The following KCNH2 variants were observed in gnomAD, a reference collection of about 807,000 sequenced individuals.
KCNH2 encodes potassium voltage-gated channel subfamily H member 2.
In KCNH2, 35 loss-of-function variants were observed where a neutral mutation model predicts 95.9. The observed-to-expected ratio is 0.37, with a 90% CI of 0.28 to 0.48. The LOEUF is 0.48. KCNH2 is among the 20% of genes least tolerant of loss of function. KCNH2 has a pLI of 0.99. For missense variants in KCNH2, 1,274 were observed against 1,702.9 expected (o/e 0.75, Z 4.43); for synonymous variants, 786 against 754.7 (o/e 1.04, Z -0.68).
rs41307331 is a variant in KCNH2, at chr7:150,962,627, CAGAGAGAG to C, written c.308-2899_308-2892del. 4.1e-5 allele frequency among the ~76,000 whole-genome samples: 6 copies of C among 146,264 alleles called. No homozygotes were observed. The highest frequency in any genetic ancestry group is 2.0e-4 in the East Asian group (1 of 4,954). ...CACACTTACACACACACACGAGAGA[CAGAGAGAG>C]AGAGAGAGAGAGAGAGAGGAGTGAC... On this transcript the variant is annotated intron_variant, in intron 2 of 14. Coordinates refer to ENST00000262186, the MANE Select transcript of KCNH2 (RefSeq NM_000238.4). This position sits in a 1 kb window ranked among gnomAD's most constrained non-coding sequence, Gnocchi z 5.7.
At position 150,952,675 on chromosome 7, in the gene KCNH2, G is replaced by A. The variant is rs199472901; in HGVS notation, c.1307C>T (p.Thr436Met). ...PYSAAFLLKETEEGPPATECG... is the reference protein window; with the variant it reads ...PYSAAFLLKEMEEGPPATECG... The stretch of plus-strand genomic sequence containing the variant: ...CTCGGTAGCAGGCGGGCCTTCTTCC[G>A]TCTCCTTCAGCAGGAAGGCAGCCGA... Residue 436 changes from threonine (T) to methionine (M), a missense_variant, in exon 6 of 15, where the codon ACG becomes ATG. Thr to Met is a moderately conservative substitution (Grantham distance 81). Transcript: ENST00000262186. This position sits in a 1 kb window ranked among gnomAD's most constrained non-coding sequence, Gnocchi z 7.3. 2.5e-5 allele frequency: 41 copies of A among 1,614,072 alleles called. No homozygotes were observed. Among genetic ancestry groups the A allele is most frequent in the East Asian group, 4.5e-5 (2 of 44,890 alleles).
chr7:150,957,571 C>T (rs1178279464), intron 4 of KCNH2, 69 bp from the exon 5 acceptor site: 15 of 1,179,792 alleles, frequency 1.3e-5, no homozygotes, highest in Admixed American at 1.8e-5. Flanking sequence ...ACCCATAGAT[C>T]GAGAGTGGAG....
At position 150,945,852 on chromosome 7, in the gene KCNH2, C is replaced by G. The variant is rs1800869519; in HGVS notation, c.3331-338G>C. Among the ~76,000 whole-genome samples the G allele has an allele frequency of 6.6e-6, 1 of 152,218 alleles. No individual in the cohort carries two copies. The highest frequency in any genetic ancestry group is 6.5e-5 in the Admixed American group (1 of 15,284). On this transcript the variant is annotated intron_variant, in intron 14 of 14. Coordinates refer to ENST00000262186, the MANE Select transcript of KCNH2 (RefSeq NM_000238.4). The surrounding 1 kb of genome is among the most constrained non-coding windows in gnomAD (Gnocchi z 5.6). ...CAACCCAACCTGGAACAAGCAGTCT[C>G]TGTGTTGGGACAGAAGCTGGGACAG...
intron 9 of KCNH2, chr7:150,949,382 G>C (rs1375018852): frequency 3.3e-5 from 29 of 883,500 alleles, no homozygotes; most frequent in Non-Finnish European, 3.9e-5. Flanking sequence ...CCAAAGATCA[G>C]AACACAGTAG....
intron 2 of KCNH2, among the ~76,000 whole-genome samples, chr7:150,960,459 G>C (rs1385708951): frequency 2.0e-5 from 3 of 152,146 alleles, no homozygotes; most frequent in Non-Finnish European, 4.4e-5. Context: ...CACTACAGAC[G>C]GTTAGCTGTT....
At chr7:150,956,597 A>C (rs539832003) in intron 5 of KCNH2, among the ~76,000 whole-genome samples, 2 of 151,138 alleles carry the variant, frequency 1.3e-5, no homozygotes, top group South Asian at 4.2e-4. Context: ...CCCCAAACCC[A>C]GGAGGGGACA....
At chr7:150,959,980 T>C (rs894057702) in intron 2 of KCNH2, among the ~76,000 whole-genome samples, 3 of 152,218 alleles carry the variant, frequency 2.0e-5, no homozygotes, top group African/African-American at 7.2e-5. Flanking sequence ...TCTCTGCCTA[T>C]ATGATTTATC....
rs863224336 is a variant in KCNH2 at position 150,977,887 on chromosome 7, C to A, written c.27G>T (p.Ala9=). 4 of 1,574,688 alleles carry A rather than the reference C, an allele frequency of 2.5e-6. No homozygotes were observed. The highest frequency in any genetic ancestry group is 3.4e-5 in the Admixed American group (2 of 58,590). Residue 9 remains alanine, a synonymous_variant, in exon 1 of 15, where the codon GCG becomes GCT. Transcript: ENST00000262186. MPVRRGHV[A]PQNTFLDTII... The stretch of plus-strand genomic sequence containing the variant: ...TGGTGTCCAGGAAGGTGTTCTGCGG[C>A]GCGACGTGGCCCCTCCGCACCGGCA...
rs1172733944 is a variant in KCNH2, at chr7:150,948,514, A to G, written c.2622T>C (p.Ser874=). 1 of 1,613,070 alleles carries G rather than the reference A, an allele frequency of 6.2e-7. No homozygotes were observed. Among genetic ancestry groups the G allele is most frequent in the East Asian group, 2.2e-5 (1 of 44,812 alleles). Residue 874 remains serine, a synonymous_variant, in exon 11 of 15, where the codon AGT becomes AGC. Coordinates refer to ENST00000262186, the MANE Select transcript of KCNH2 (RefSeq NM_000238.4). ...GACTGAAGCCACCCTCTAACTCCGTACTGCCGGGGGAGCCCGGGATCATGT... is the reference window on the plus strand; with the variant it reads ...GACTGAAGCCACCCTCTAACTCCGTGCTGCCGGGGGAGCCCGGGATCATGT... ...DTNMIPGSPG[S]TELEGGFSRQ...
intron 2 of KCNH2, among the ~76,000 whole-genome samples, chr7:150,967,940 C>A (rs1801746555): frequency 1.3e-5 from 2 of 152,160 alleles, no homozygotes; most frequent in African/African-American, 4.8e-5. Context: ...TCAACAAGGA[C>A]AAAAGACGGC....
rs954537017 is a variant in KCNH2 at position 150,958,273 on chromosome 7, C to G, written c.702G>C (p.Leu234=). ...GLGPAEERRA[L]VGPGSPPRSA... The stretch of plus-strand genomic sequence containing the variant: ...TGCGGGGCGGAGAGCCGGGACCCAC[C>G]AGCGCACGCCGCTCCTCCGCGGGCC... The change falls in exon 4 of 15, where the codon CTG becomes CTC. Residue 234 remains leucine, a synonymous_variant. Transcript: ENST00000262186. 11 of 1,452,796 alleles carry G rather than the reference C, an allele frequency of 7.6e-6. No homozygotes were observed. The Admixed American group carries it at 2.7e-4, about 36-fold the overall frequency. The allele number at this position is 1,452,796 out of a possible 1,614,324, so 90.0% of individuals were successfully genotyped here. A position where few individuals can be genotyped will look rare whatever the true frequency, so the allele number is the denominator to read the frequency against.
At position 150,952,352 on chromosome 7, in the gene KCNH2, T is replaced by A; in HGVS notation, c.1557+73A>T. The A allele has an allele frequency of 5.7e-6, 8 of 1,408,888 alleles. No individual in the cohort carries two copies. The highest frequency in any genetic ancestry group is 7.9e-6 in the Non-Finnish European group (8 of 1,012,430). The allele number at this position is 1,408,888 out of a possible 1,614,324, so 87.3% of individuals were successfully genotyped here. ...TTTCTCTGTCCTCCTCGCCACCCCC[T>A]CCACCCCACTACCTCCCACCACATT... is the stretch of plus-strand genomic sequence containing the variant. On this transcript the variant is annotated intron_variant, in intron 6 of 14. Transcript: ENST00000262186. The surrounding 1 kb of genome is among the most constrained non-coding windows in gnomAD (Gnocchi z 7.3).
At position 150,958,411 on chromosome 7, in the gene KCNH2, C is replaced by A; in HGVS notation, c.564G>T (p.Ala188=). The A allele has an allele frequency of 7.0e-7, 1 of 1,431,352 alleles. No homozygotes were observed. The highest frequency in any genetic ancestry group is 1.4e-5 in the South Asian group (1 of 69,858). The allele number at this position is 1,431,352 out of a possible 1,614,324, so 88.7% of individuals were successfully genotyped here. A position where few individuals can be genotyped will look rare whatever the true frequency, so the allele number is the denominator to read the frequency against. The stretch of plus-strand genomic sequence containing the variant: ...CCACCACCACGGCCCCCGGGGCGCC[C>A]GCGCCGCCCGCGCCGCCCGACCGCA... ...SSVRSGGAGG[A]GAPGAVVVDV... Residue 188 remains alanine, a synonymous_variant, in exon 4 of 15, where the codon GCG becomes GCT. Transcript: ENST00000262186.
At position 150,947,374 on chromosome 7, in the gene KCNH2, C is replaced by CCCGGGGCCG; in HGVS notation, c.3097_3105dup (p.Arg1033_Arg1035dup). ...GCATCCAGCCTGCTCTCCACGTCGC[C>CCCGGGGCCG]CCGGGGCCGCCGACCCGGGCTGGAG... On this transcript the variant is annotated inframe_insertion, in exon 13 of 15. Coordinates refer to ENST00000262186, the MANE Select transcript of KCNH2 (RefSeq NM_000238.4). The CCCGGGGCCG allele has an allele frequency of 6.5e-7, 1 of 1,547,942 alleles. No homozygotes were observed. The highest frequency in any genetic ancestry group is 8.7e-7 in the Non-Finnish European group (1 of 1,147,084).
Position 150,946,745 on chromosome 7 carries a change from G to T in KCNH2, c.3330+132C>A. On this transcript the variant is annotated intron_variant, in intron 14 of 14. Coordinates refer to ENST00000262186, the MANE Select transcript of KCNH2 (RefSeq NM_000238.4). This position sits in a 1 kb window ranked among gnomAD's most constrained non-coding sequence, Gnocchi z 6.5. The stretch of plus-strand genomic sequence containing the variant: ...AGCCTTCCTCCAGGAGGACAGGGGT[G>T]GGAGGAGGGCAGGAACAAGGTTCAG... 1.2e-6 allele frequency: 1 copy of T among 814,438 alleles called. No homozygotes were observed. The highest frequency in any genetic ancestry group is 1.9e-6 in the Non-Finnish European group (1 of 514,712). The allele number at this position is 814,438 out of a possible 1,614,324, so 50.5% of individuals were successfully genotyped here.
In KCNH2 at chr7:150,952,398, C is replaced by T; in HGVS notation, c.1557+27G>A. ...ACATTCCTGGCCTCTCCTCTCCCTA[C>T]ACCACCTGCCTCCTTGCTGACCCCA... On this transcript the variant is annotated intron_variant, in intron 6 of 14. Transcript: ENST00000262186. This position sits in a 1 kb window ranked among gnomAD's most constrained non-coding sequence, Gnocchi z 7.3. 6.2e-7 allele frequency: 1 copy of T among 1,610,770 alleles called. No individual in the cohort carries two copies. Among genetic ancestry groups the T allele is most frequent in the Non-Finnish European group, 8.5e-7 (1 of 1,178,170 alleles).
intron 1 of KCNH2, among the ~76,000 whole-genome samples, chr7:150,975,886 A>C (rs920242174): frequency 6.6e-6 from 1 of 152,132 alleles, no homozygotes; most frequent in Non-Finnish European, 1.5e-5. Flanking sequence ...AGGAAAACAG[A>C]CCCAAGAAAG....
rs184619114 is a variant in KCNH2 at position 150,946,333 on chromosome 7, G to A, written c.3330+544C>T. ...CCAGGAAGTCCTCCCCTGGAGGCTT[G>A]GCCTCTGCACCCTGGGAAATGCCAA... is the stretch of plus-strand genomic sequence containing the variant. On this transcript the variant is annotated intron_variant, in intron 14 of 14. Coordinates refer to ENST00000262186, the MANE Select transcript of KCNH2 (RefSeq NM_000238.4). The surrounding 1 kb of genome is among the most constrained non-coding windows in gnomAD (Gnocchi z 6.5). Among the ~76,000 whole-genome samples the A allele has an allele frequency of 1.0e-3, 153 of 152,302 alleles. No individual in the cohort carries two copies. Among genetic ancestry groups the A allele is most frequent in the Non-Finnish European group, 1.9e-3 (130 of 68,012 alleles).
intron 5 of KCNH2, 37 bp downstream of exon 5, chr7:150,957,254 C>A (rs1439133679): frequency 6.6e-7 from 1 of 1,522,432 alleles, no homozygotes; most frequent in East Asian, 2.5e-5. Flanking sequence ...CCAAGCTCCT[C>A]CAAGGTGAGA....
Sources: gnomAD v4.1 joint callset for allele counts (sites outside exome capture counted in the v4.1 genomes callset) on GRCh38, gnomAD v4.1.1 for gene constraint, Gnocchi (gnomAD v3.1) non-coding constraint, MANE v1.5 for transcripts, NCBI Gene and HGNC (gene_info 2026-07-23, HGNC 2026-07-21) for gene names.